Variants in ESR1 observed in about 807,000 individuals in gnomAD.
The protein encoded by ESR1 is estrogen receptor.
ESR1 carries 12 observed loss-of-function variants against 52.7 expected under a neutral mutation model. That is an observed-to-expected ratio of 0.23 (90% CI 0.15 to 0.37). ESR1 has a LOEUF of 0.37. Ranked by LOEUF, ESR1 falls within the 10% of genes least tolerant of loss-of-function variation. The pLI is 1.00. For synonymous variants in ESR1, 305 were observed against 316.8 expected (o/e 0.96, Z 0.39); for missense variants, 584 against 779.7 (o/e 0.75, Z 2.99).
rs557205666 is a variant in ESR1, at chr6:151,807,773, G to A, written c.-140G>A. On this transcript the variant is annotated 5_prime_UTR_variant, in exon 1 of 8. Transcript: ENST00000206249. ...CCGCAGGCTCCCGGGGCAGGGCCGGGGCCAGAGCTCGCGTGTCGGCGGGAC... is the reference window on the plus strand; with the variant it reads ...CCGCAGGCTCCCGGGGCAGGGCCGGAGCCAGAGCTCGCGTGTCGGCGGGAC... 1.3e-4 allele frequency: 113 copies of A among 847,628 alleles called. No homozygotes were observed. Among genetic ancestry groups the A allele is most frequent in the African/African-American group, 1.2e-3 (72 of 59,974 alleles). The allele number at this position is 847,628 out of a possible 1,614,324, so 52.5% of individuals were successfully genotyped here.
chr6:152,114,693 C>T (rs1458108669), intron 6 of ESR1, among the ~76,000 whole-genome samples: 1 of 151,444 alleles, frequency 6.6e-6, no homozygotes, highest in African/African-American at 2.4e-5. Context: ...AGATCGAGAC[C>T]ATCCGGGCTA....
intron 4 of ESR1, among the ~76,000 whole-genome samples, chr6:151,995,076 T>C (rs2041359387): frequency 6.6e-6 from 1 of 152,110 alleles, no homozygotes; most frequent in Non-Finnish European, 1.5e-5. Context: ...GGTGAGACCA[T>C]GTGGAGCACA....
intron 3 of ESR1, among the ~76,000 whole-genome samples, chr6:151,907,723 A>G (rs1018158740): frequency 4.6e-5 from 7 of 152,108 alleles, no homozygotes; most frequent in African/African-American, 1.7e-4. Flanking sequence ...TTCTTGCTAA[A>G]TCCTTGCACG....
intron 1 of ESR1, among the ~76,000 whole-genome samples, chr6:151,666,868 G>A (rs1336388094): frequency 6.6e-6 from 1 of 152,124 alleles, no homozygotes; most frequent in Admixed American, 6.5e-5. Flanking sequence ...TTAAATAGTG[G>A]AAGGTTCTTA....
intron 4 of ESR1, among the ~76,000 whole-genome samples, chr6:151,964,262 G>C (rs920851725): frequency 6.6e-6 from 1 of 152,078 alleles, no homozygotes; most frequent in African/African-American, 2.4e-5. Context: ...ACTTTGGATA[G>C]CATAGATTTT....
intron 2 of ESR1, among the ~76,000 whole-genome samples, chr6:151,755,274 A>G (rs1242306343): frequency 3.3e-5 from 5 of 151,866 alleles, no homozygotes; most frequent in Non-Finnish European, 4.4e-5. Flanking sequence ...AACACAAAAA[A>G]CATATTCCAA....
chr6:151,763,593 A>G (rs541768079), intron 2 of ESR1, among the ~76,000 whole-genome samples: 2 of 152,264 alleles, frequency 1.3e-5, no homozygotes, highest in East Asian at 3.9e-4. Flanking sequence ...TGGAGAGACT[A>G]AGACTGGGGA....
At chr6:151,876,885 A>T (rs1421568739) in intron 2 of ESR1, among the ~76,000 whole-genome samples, 3 of 151,762 alleles carry the variant, frequency 2.0e-5, no homozygotes, top group Non-Finnish European at 2.9e-5. Flanking sequence ...CTTTGGCCCT[A>T]TGGGCTTGGT....
intron 5 of ESR1, among the ~76,000 whole-genome samples, chr6:152,025,041 C>T (rs552392467): frequency 8.0e-6 from 1 of 124,466 alleles, no homozygotes; most frequent in East Asian, 2.4e-4. Flanking sequence ...CAGTCATAGG[C>T]ACCATTTCCT....
At chr6:151,738,157 G>T (rs1782812266) in intron 2 of ESR1, among the ~76,000 whole-genome samples, 1 of 152,046 alleles carries the variant, frequency 6.6e-6, no homozygotes, top group African/African-American at 2.4e-5. Context: ...GTTTTGGTGT[G>T]GCTATGGAAG....
intron 4 of ESR1, among the ~76,000 whole-genome samples, chr6:151,962,799 G>C (rs931966828): frequency 2.0e-5 from 3 of 152,114 alleles, no homozygotes; most frequent in Non-Finnish European, 2.9e-5. Flanking sequence ...GGGTAGGCAG[G>C]ACTATTTTTT....
intron 5 of ESR1, among the ~76,000 whole-genome samples, chr6:152,059,416 A>C (rs989064694): frequency 1.3e-5 from 2 of 152,038 alleles, no homozygotes; most frequent in Non-Finnish European, 2.9e-5. Context: ...AATGTTTTGC[A>C]GAAGAAAATA....
chr6:152,128,947 C>T (rs1018454412), exon 7 of ESR1: 1 of 152,240 alleles, frequency 6.6e-6, no homozygotes, highest in Non-Finnish European at 1.5e-5. Context: ...TGTTGGATGA[C>T]GTTTGCCATT....
chr6:151,783,581 C>T (rs1040600203), intron 2 of ESR1, among the ~76,000 whole-genome samples: 1 of 152,044 alleles, frequency 6.6e-6, no homozygotes, highest in East Asian at 1.9e-4. Context: ...ATTAAATACA[C>T]CTTTTATTTT....
At chr6:152,088,518 A>G (rs9341038) in intron 6 of ESR1, among the ~76,000 whole-genome samples, 2,411 of 152,332 alleles carry the variant, frequency 0.016, 66 homozygotes, top group African/African-American at 0.055. Context: ...TGGTTCAAGA[A>G]GATTCTGCGC....
At chr6:152,058,291 G>T (rs192601391) in intron 5 of ESR1, among the ~76,000 whole-genome samples, 329 of 152,194 alleles carry the variant, frequency 2.2e-3, no homozygotes, top group African/African-American at 7.6e-3. Context: ...GGAGCCTTTG[G>T]TGTGAGCACT....
chr6:151,899,982 C>A (rs917875046), intron 3 of ESR1, among the ~76,000 whole-genome samples: 2 of 152,198 alleles, frequency 1.3e-5, no homozygotes, highest in Non-Finnish European at 2.9e-5. Context: ...CTCCTCACTT[C>A]CCAGACGGGG....
intron 4 of ESR1, among the ~76,000 whole-genome samples, chr6:151,963,798 T>C (rs971095388): frequency 1.3e-5 from 2 of 152,240 alleles, no homozygotes; most frequent in Non-Finnish European, 2.9e-5. Flanking sequence ...TTCTGGTATT[T>C]ATATAGTTTC....
chr6:151,820,898 G>A (rs1387413038), intron 1 of ESR1, among the ~76,000 whole-genome samples: 1 of 152,100 alleles, frequency 6.6e-6, no homozygotes, highest in Non-Finnish European at 1.5e-5. Flanking sequence ...TTCTTTGCAT[G>A]TGAAACCCAT....
Sources: gnomAD v4.1 joint callset for allele counts (sites outside exome capture counted in the v4.1 genomes callset) on GRCh38, gnomAD v4.1.1 for gene constraint, MANE v1.5 for transcripts, NCBI Gene and HGNC (gene_info 2026-07-23, HGNC 2026-07-21) for gene names.